Variants in RDH12 observed in about 807,000 individuals in gnomAD.
RDH12 encodes retinol dehydrogenase 12.
In RDH12, 21 loss-of-function variants were observed where a neutral mutation model predicts 34.0. That is an observed-to-expected ratio of 0.62 (90% CI 0.44 to 0.89). The LOEUF is 0.89. Among genes scored for constraint, RDH12 ranks in the 40% least tolerant of loss-of-function variants. RDH12 has a pLI of 0.00. For missense variants in RDH12, 394 were observed against 398.6 expected, an observed-to-expected ratio of 0.99 and a Z score of 0.10; for synonymous variants, 198 against 169.9, an observed-to-expected ratio of 1.17 and a Z score of -1.29.
At chr14:67,733,530 C>A (rs2038312760) in intron 8 of RDH12, among the ~76,000 whole-genome samples, 1 of 152,114 alleles carries the variant, frequency 6.6e-6, no homozygotes, top group African/African-American at 2.4e-5. Flanking sequence ...GGTACTAGAT[C>A]TTGTTATAGA....
chr14:67,713,265 C>CA (rs113116028), intron 1 of RDH12, among the ~76,000 whole-genome samples: 20,075 of 150,844 alleles, frequency 0.13, 1,350 homozygotes, highest in East Asian at 0.21. Flanking sequence ...AACAAACAAA[C>CA]AAAAAACAAA....
At chr14:67,733,119 A>C (rs1259141932) in intron 8 of RDH12, among the ~76,000 whole-genome samples, 2 of 128,442 alleles carry the variant, frequency 1.6e-5, no homozygotes, top group African/African-American at 5.3e-5. Context: ...CTTAAAGTAT[A>C]ATAATAATAA....
chr14:67,702,714 T>C (rs2037911981), intron 1 of RDH12, among the ~76,000 whole-genome samples: 2 of 152,366 alleles, frequency 1.3e-5, no homozygotes, highest in Non-Finnish European at 2.9e-5. Context: ...TATAAGTCAA[T>C]TGGGTATCAT....
chr14:67,716,039 C>CA (rs1353711219), intron 1 of RDH12, among the ~76,000 whole-genome samples: 10 of 151,342 alleles, frequency 6.6e-5, no homozygotes, highest in East Asian at 1.9e-4. Flanking sequence ...ACTAAAAATA[C>CA]AAAAAAAATT....
At chr14:67,708,224 C>CA (rs919691095) in intron 1 of RDH12, among the ~76,000 whole-genome samples, 14 of 151,156 alleles carry the variant, frequency 9.3e-5, no homozygotes, top group Non-Finnish European at 1.5e-4. Flanking sequence ...CTCTGAAAAA[C>CA]AAAAAAAAGG....
Position 67,722,603 on chromosome 14 carries a change from A to G in RDH12, c.-40A>G. On this transcript the variant is annotated 5_prime_UTR_variant, in exon 3 of 9. Coordinates refer to ENST00000551171, the MANE Select transcript of RDH12 (RefSeq NM_152443.3). ...GAGCCAGAGCTGGGGTTGAAGCTGG[A>G]GCAGCAGCAAAAGCAACAGCAGCTA... The G allele has an allele frequency of 1.3e-6, 2 of 1,575,592 alleles. No homozygotes were observed. The highest frequency in any genetic ancestry group is 3.4e-4 in the Middle Eastern group (2 of 5,968).
chr14:67,716,684 G>C (rs190003831), intron 1 of RDH12, among the ~76,000 whole-genome samples: 2 of 152,242 alleles, frequency 1.3e-5, no homozygotes, highest in African/African-American at 4.8e-5. Context: ...AGGAATTCGA[G>C]ACCAGCCTGG....
chr14:67,730,834 C>T (rs950444592), intron 8 of RDH12, among the ~76,000 whole-genome samples: 1 of 152,156 alleles, frequency 6.6e-6, no homozygotes, highest in African/African-American at 2.4e-5. Context: ...GAACTCCTGA[C>T]GTCAGTTGAT....
chr14:67,724,529 T>C lies in RDH12; in HGVS notation c.125T>C (p.Val42Ala), dbSNP rs1594865036. 2.5e-6 allele frequency: 4 copies of C among 1,613,866 alleles called. No homozygotes were observed. Among genetic ancestry groups the C allele is most frequent in the Non-Finnish European group, 3.4e-6 (4 of 1,179,888 alleles). ...RTNVQLPGKV[V>A]VITGANTGIG... is the part of the protein sequence containing the mutation. ...AATGTGCAGCTTCCTGGCAAGGTAG[T>C]GGTGATCACTGGCGCCAACACGGGC... Residue 42 changes from valine (V) to alanine (A), a missense_variant, in exon 4 of 9, where the codon GTG becomes GCG. Physicochemically the swap from Val to Ala is moderately conservative, Grantham distance 64 (BLOSUM62 0). Coordinates refer to ENST00000551171, the MANE Select transcript of RDH12 (RefSeq NM_152443.3).
At chr14:67,729,599 T>C in intron 8 of RDH12, 1 of 636,874 alleles carries the variant, frequency 1.6e-6, no homozygotes. Flanking sequence ...TATACTCGTG[T>C]GCCGCTTTTC....
At chr14:67,707,255 A>C (rs1383928659) in intron 1 of RDH12, among the ~76,000 whole-genome samples, 1 of 152,224 alleles carries the variant, frequency 6.6e-6, no homozygotes, top group Non-Finnish European at 1.5e-5. Context: ...AAACTGTAGA[A>C]AACAATAAAA....
intron 8 of RDH12, among the ~76,000 whole-genome samples, chr14:67,730,567 T>C (rs1297157276): frequency 3.9e-5 from 6 of 152,238 alleles, no homozygotes; most frequent in Non-Finnish European, 7.3e-5. Context: ...AAATATTTCA[T>C]AATTCAAATA....
intron 1 of RDH12, among the ~76,000 whole-genome samples, chr14:67,703,976 C>T (rs915803939): frequency 2.0e-5 from 3 of 152,180 alleles, no homozygotes; most frequent in African/African-American, 7.2e-5. Flanking sequence ...CTGTGCTTGG[C>T]CTGGCATGTC....
chr14:67,722,587 C>G lies in RDH12; in HGVS notation c.-56C>G. ...GCCAGACCAGGAACCTGAGCCAGAG[C>G]TGGGGTTGAAGCTGGAGCAGCAGCA... On this transcript the variant is annotated 5_prime_UTR_variant, in exon 3 of 9. Coordinates refer to ENST00000551171, the MANE Select transcript of RDH12 (RefSeq NM_152443.3). 1 of 1,462,508 alleles carries G rather than the reference C, an allele frequency of 6.8e-7. No homozygotes were observed. Among genetic ancestry groups the G allele is most frequent in the South Asian group, 1.1e-5 (1 of 88,096 alleles). The allele number at this position is 1,462,508 out of a possible 1,614,324, so 90.6% of individuals were successfully genotyped here. A position where few individuals can be genotyped will look rare whatever the true frequency, so the allele number is the denominator to read the frequency against.
At position 67,726,962 on chromosome 14, in the gene RDH12, C is replaced by T; in HGVS notation, c.449-19C>T. 1 of 1,609,346 alleles carries T rather than the reference C, an allele frequency of 6.2e-7. No homozygotes were observed. The highest frequency in any genetic ancestry group is 2.2e-5 in the East Asian group (1 of 44,866). On this transcript the variant is annotated intron_variant, in intron 6 of 8. Coordinates refer to ENST00000551171, the MANE Select transcript of RDH12 (RefSeq NM_152443.3). The stretch of plus-strand genomic sequence containing the variant: ...GCTGTCATTCCACTTTCAATCTTCC[C>T]TGCTGGCTCTCCTCACAGGCCACTT...
In RDH12 at chr14:67,724,621, G is replaced by GCCAT. The variant is rs772711342; in HGVS notation, c.187+31_187+34dup. The GCCAT allele has an allele frequency of 3.3e-6, 5 of 1,499,630 alleles. No homozygotes were observed. In the African/African-American group the frequency reaches 6.9e-5, roughly 21 times the overall value. The allele number at this position is 1,499,630 out of a possible 1,614,324, so 92.9% of individuals were successfully genotyped here. The stretch of plus-strand genomic sequence containing the variant: ...GTGTTTCCCCTTTAGTCTCCAAAGG[G>GCCAT]CCATGCCTCCCACCCTTCTTCCCAC... On this transcript the variant is annotated intron_variant, in intron 4 of 8. Coordinates refer to ENST00000551171, the MANE Select transcript of RDH12 (RefSeq NM_152443.3).
chr14:67,730,293 G>A (rs993636818), intron 8 of RDH12, among the ~76,000 whole-genome samples: 1 of 152,156 alleles, frequency 6.6e-6, no homozygotes, highest in African/African-American at 2.4e-5. Context: ...GTGCCATTCA[G>A]TATGGTAGCC....
At chr14:67,712,881 A>T (rs1184690002) in intron 1 of RDH12, among the ~76,000 whole-genome samples, 2 of 152,076 alleles carry the variant, frequency 1.3e-5, no homozygotes, top group Admixed American at 1.3e-4. Flanking sequence ...TAATCAAAAT[A>T]AAAAAATGTT....
intron 1 of RDH12, among the ~76,000 whole-genome samples, chr14:67,706,739 G>A (rs772437359): frequency 2.6e-5 from 4 of 152,130 alleles, no homozygotes; most frequent in Non-Finnish European, 4.4e-5. Context: ...TTTGGGGGCC[G>A]AGATCTTTTC....
Sources: gnomAD v4.1 joint callset for allele counts (sites outside exome capture counted in the v4.1 genomes callset) on GRCh38, gnomAD v4.1.1 for gene constraint, MANE v1.5 for transcripts, NCBI Gene and HGNC (gene_info 2026-07-23, HGNC 2026-07-21) for gene names.